KCNC4: variants seen among roughly 807,000 people sequenced by gnomAD.
KCNC4 encodes the protein voltage-gated potassium channel KCNC4.
A neutral mutation model predicts 42.8 loss-of-function variants in KCNC4; 23 were observed. The observed-to-expected ratio is 0.54, with a 90% confidence interval of 0.39 to 0.76. The LOEUF is 0.76. Among genes scored for constraint, KCNC4 ranks in the 30% least tolerant of loss-of-function variants. The probability of loss-of-function intolerance (pLI) is 0.00; values close to 1 mark genes in which losing one functional copy is unlikely to be tolerated. For missense variants in KCNC4, 751 were observed against 898.2 expected, an observed-to-expected ratio of 0.84 and a Z score of 2.10; for synonymous variants, 422 against 393.5, an observed-to-expected ratio of 1.07 and a Z score of -0.86.
At chr1:110,227,317 C>G (rs1303270491) in intron 3 of KCNC4, among the ~76,000 whole-genome samples, 1 of 152,194 alleles carries the variant, frequency 6.6e-6, no homozygotes, top group Non-Finnish European at 1.5e-5. Context: ...CTGTGGGCAC[C>G]TTCTAGTTTC....
exon 4 of KCNC4, chr1:110,244,192 A>G (rs1316017864): frequency 6.6e-6 from 1 of 152,034 alleles, no homozygotes; most frequent in Non-Finnish European, 1.5e-5. Context: ...ATGGAATACT[A>G]TTTCCCTTAT....
At chr1:110,237,908 T>C (rs1389506387), downstream of KCNC4, 1 of 152,262 alleles carries the variant, frequency 6.6e-6, no homozygotes, top group Admixed American at 6.5e-5. Flanking sequence ...GTGAGCACTT[T>C]CTTTCCGTTC....
chr1:110,269,175 T>C (rs1441519969), intron 1 of KCNC4, among the ~76,000 whole-genome samples: 1 of 152,144 alleles, frequency 6.6e-6, no homozygotes, highest in East Asian at 1.9e-4. Flanking sequence ...ATTTTGTTTT[T>C]TTCATTCAGG....
rs768132680 is a variant in KCNC4, at chr1:110,223,378, G to T, written c.1093G>T (p.Val365Leu). 2 of 1,613,796 alleles carry T rather than the reference G, an allele frequency of 1.2e-6. No individual in the cohort carries two copies. The highest frequency in any genetic ancestry group is 1.1e-5 in the South Asian group (1 of 91,084). Residue 365 changes from valine (V) to leucine (L), a missense_variant, in exon 2 of 4, where the codon GTG (valine) becomes TTG (leucine). This residue lies in a region of KCNC4 where 185 missense variants were observed against 293.7 expected (regional missense o/e 0.63). Coordinates refer to ENST00000438661, the MANE Select transcript of KCNC4 (RefSeq NM_001039574.3). This position sits in a 1 kb window ranked among gnomAD's most constrained non-coding sequence, Gnocchi z 7.5. ...TATCTTCAAGCTCACACGCCACTTC[G>T]TGGGGCTACGCGTGCTGGGCCACAC... ...LRIFKLTRHF[V>L]GLRVLGHTLR... is the part of the protein sequence containing the mutation.
Position 110,211,639 on chromosome 1 carries a change from A to C in KCNC4, c.140A>C (p.His47Pro). The stretch of plus-strand genomic sequence containing the variant: ...ATCATCAACGTGGGCGGCACGCGAC[A>C]TGAGACCTACCGCAGCACCCTGCGC... The part of the protein sequence containing the change: ...KIIINVGGTR[H>P]ETYRSTLRTL... Residue 47 changes from histidine (H) to proline (P), a missense_variant, in exon 1 of 4, where the codon CAT (histidine) becomes CCT (proline). Physicochemically the swap from His to Pro is moderately conservative, Grantham distance 77. Transcript: ENST00000438661. This position sits in a 1 kb window ranked among gnomAD's most constrained non-coding sequence, Gnocchi z 6.5. The C allele has an allele frequency of 1.9e-6, 3 of 1,613,820 alleles. No homozygotes were observed. The highest frequency in any genetic ancestry group is 2.5e-6 in the Non-Finnish European group (3 of 1,179,932).
At chr1:110,249,967 A>G (rs1308475892), downstream of KCNC4, among the ~76,000 whole-genome samples, 2 of 152,194 alleles carry the variant, frequency 1.3e-5, no homozygotes, top group African/African-American at 4.8e-5. Flanking sequence ...AGTACCCCAT[A>G]TAAGTGGAAT....
intron 1 of KCNC4, among the ~76,000 whole-genome samples, chr1:110,257,826 A>C (rs1659364127): frequency 6.6e-6 from 1 of 151,646 alleles, no homozygotes; most frequent in Non-Finnish European, 1.5e-5. Flanking sequence ...TTTCTGCATC[A>C]CTGACTTTTG....
intron 1 of KCNC4, among the ~76,000 whole-genome samples, chr1:110,212,908 G>T (rs1040593716): frequency 3.9e-5 from 6 of 152,056 alleles, no homozygotes; most frequent in Non-Finnish European, 7.4e-5. Context: ...AGGCTCCCAC[G>T]GCCAGTGGCC....
exon 4 of KCNC4, chr1:110,240,462 A>C (rs996290077): frequency 6.6e-6 from 1 of 152,342 alleles, no homozygotes; most frequent in South Asian, 2.1e-4. Flanking sequence ...AAGGACGATT[A>C]ACTCCAAATC....
chr1:110,254,768 T>C (rs1659302782), intron 1 of KCNC4, among the ~76,000 whole-genome samples: 1 of 152,346 alleles, frequency 6.6e-6, no homozygotes, highest in South Asian at 2.1e-4. Flanking sequence ...AGCAGTCACC[T>C]GGTCTATCCC....
exon 4 of KCNC4, chr1:110,242,807 C>G (rs1659056656): frequency 6.6e-6 from 1 of 152,198 alleles, no homozygotes; most frequent in Non-Finnish European, 1.5e-5. Context: ...GGTGAGGAAA[C>G]TGGAGAGTAA....
chr1:110,241,984 T>A (rs537087280), exon 4 of KCNC4: 1 of 152,352 alleles, frequency 6.6e-6, no homozygotes, highest in South Asian at 2.1e-4. Flanking sequence ...TTAGCTGCCC[T>A]CTGCTGACTT....
intron 1 of KCNC4, among the ~76,000 whole-genome samples, chr1:110,265,353 TAAATAA>T (rs1659518775): frequency 2.5e-5 from 3 of 121,486 alleles, no homozygotes; most frequent in African/African-American, 9.3e-5. Flanking sequence ...AAATAAAACA[TAAATAA>T]AATAAAATAA....
At chr1:110,256,255 G>A (rs1462805993) in intron 1 of KCNC4, among the ~76,000 whole-genome samples, 1 of 152,156 alleles carries the variant, frequency 6.6e-6, no homozygotes, top group Non-Finnish European at 1.5e-5. Context: ...GGCTCCAAGA[G>A]GCTATGAAAC....
exon 4 of KCNC4, chr1:110,242,727 C>A (rs814326): frequency 0.67 from 102,180 of 152,078 alleles, 35,442 homozygotes; most frequent in South Asian, 0.78. Flanking sequence ...CAGCCCAAGC[C>A]CCCTACATGG....
At chr1:110,231,772 C>T (rs1658705494) in intron 3 of KCNC4, among the ~76,000 whole-genome samples, 1 of 152,130 alleles carries the variant, frequency 6.6e-6, no homozygotes, top group African/African-American at 2.4e-5. Context: ...ACTCAGAGGC[C>T]CAGAACACTT....
chr1:110,231,333 G>C (rs1658679113), intron 3 of KCNC4, among the ~76,000 whole-genome samples: 1 of 152,020 alleles, frequency 6.6e-6, no homozygotes, highest in Non-Finnish European at 1.5e-5. Flanking sequence ...CCCCACCCCT[G>C]GTGGGTCAAA....
intron 2 of KCNC4, chr1:110,224,268 C>T: frequency 9.2e-6 from 2 of 216,968 alleles, no homozygotes; most frequent in Non-Finnish European, 1.8e-5. Context: ...ATATCATATC[C>T]TACCCTCAAG....
Position 110,233,148 on chromosome 1 carries a change from GT to G in KCNC4, c.*178del. On this transcript the variant is annotated 3_prime_UTR_variant, in exon 4 of 4. Coordinates refer to ENST00000438661, the MANE Select transcript of KCNC4 (RefSeq NM_001039574.3). ...GGGCCCAGAGCCATCTGGGTCTGAT[GT>G]TCTGTTCCATTGTACATCGAAGAGA... The G allele has an allele frequency of 1.5e-6, 1 of 680,688 alleles. No homozygotes were observed. Among genetic ancestry groups the G allele is most frequent in the Non-Finnish European group, 2.5e-6 (1 of 400,362 alleles). 42.2% of individuals were successfully genotyped at this position (680,688 alleles called of 1,614,324 possible).
Sources: gnomAD v4.1 joint callset for allele counts (sites outside exome capture counted in the v4.1 genomes callset) on GRCh38, gnomAD v4.1.1 for gene constraint, gnomAD v4.1.1 regional missense constraint, Gnocchi (gnomAD v3.1) non-coding constraint, MANE v1.5 for transcripts, NCBI Gene and HGNC (gene_info 2026-07-23, HGNC 2026-07-21) for gene names.